CFAP52: variants seen among roughly 807,000 people sequenced by gnomAD.
CFAP52 encodes cilia and flagella associated protein 52.
CFAP52 carries 57 observed loss-of-function variants against 70.5 expected under a neutral mutation model. The observed-to-expected ratio is 0.81, with a 90% CI of 0.65 to 1.01. The LOEUF (loss-of-function observed/expected upper bound fraction) is 1.01, where lower values mean the gene tolerates loss of function less well. CFAP52 is among the 50% of genes least tolerant of loss of function. CFAP52 has a pLI of 0.00. For missense variants in CFAP52, 785 were observed against 788.5 expected, an observed-to-expected ratio of 1.00 and a Z score of 0.05; for synonymous variants, 267 against 292.5, an observed-to-expected ratio of 0.91 and a Z score of 0.89.
Position 9,585,929 on chromosome 17 carries a change from G to A in CFAP52, c.227G>A (p.Gly76Glu), listed in dbSNP as rs745738813. The A allele has an allele frequency of 7.4e-6, 12 of 1,613,632 alleles. No homozygotes were observed. Among genetic ancestry groups the A allele is most frequent in the African/African-American group, 1.3e-5 (1 of 74,944 alleles). The change falls in exon 2 of 14, where the codon GGA becomes GAA. Residue 76 changes from glycine to glutamate, a missense_variant. Transcript: ENST00000352665. ...TCCTGCTTGGCCATCTCCAGGTCTG[G>A]AGAGTACATCGCCTCCGGACAAGTC... ...NVSCLAISRSGEYIASGQVTF... is the reference protein window; with the variant it reads ...NVSCLAISRSEEYIASGQVTF...
In CFAP52 at chr17:9,594,322, G is replaced by C; in HGVS notation, c.536+1G>C. The C allele has an allele frequency of 6.2e-7, 1 of 1,610,514 alleles. No homozygotes were observed. The highest frequency in any genetic ancestry group is 8.5e-7 in the Non-Finnish European group (1 of 1,178,580). Reference sequence around the variant, plus strand: ...ATGAGATGTTTATGACTGCTGGAAAGTATGTGTCTGCGTTCGGAGTTTTCA... The same window carrying C: ...ATGAGATGTTTATGACTGCTGGAAACTATGTGTCTGCGTTCGGAGTTTTCA... On this transcript the variant is annotated splice_donor_variant, in intron 4 of 13. Transcript: ENST00000352665. LOFTEE classifies it high-confidence loss of function.
intron 8 of CFAP52, among the ~76,000 whole-genome samples, chr17:9,628,137 C>G (rs1460734568): frequency 6.6e-6 from 1 of 152,090 alleles, no homozygotes; most frequent in African/African-American, 2.4e-5. Flanking sequence ...CAACTTTGTC[C>G]CAACCCTTCC....
At chr17:9,605,411 G>A (rs991586515) in intron 6 of CFAP52, among the ~76,000 whole-genome samples, 4 of 152,038 alleles carry the variant, frequency 2.6e-5, no homozygotes, top group Non-Finnish European at 5.9e-5. Context: ...GCAAAATTAT[G>A]GAGACAATAA....
At chr17:9,594,387 G>A in intron 4 of CFAP52, 66 bp downstream of exon 4, 1 of 1,558,376 alleles carries the variant, frequency 6.4e-7, no homozygotes, top group Non-Finnish European at 8.7e-7. Context: ...CAGAAAACAT[G>A]GTCATTCTGA....
At chr17:9,603,940 G>C (rs1296411493) in intron 6 of CFAP52, among the ~76,000 whole-genome samples, 2 of 152,056 alleles carry the variant, frequency 1.3e-5, no homozygotes, top group Non-Finnish European at 2.9e-5. Flanking sequence ...GACAGTGTAG[G>C]GTTGGTGAAA....
At position 9,643,221 on chromosome 17, in the gene CFAP52, CTTGGCG is replaced by C. The variant is rs768008484; in HGVS notation, c.*27_*32del. ...TGAAGCTGATGAGATGTCTCTGAGC[CTTGGCG>C]TTGCACGCAGTCCTGTTGAAGACTG... is the stretch of plus-strand genomic sequence containing the variant. On this transcript the variant is annotated 3_prime_UTR_variant, in exon 14 of 14. Coordinates refer to ENST00000352665, the MANE Select transcript of CFAP52 (RefSeq NM_145054.5). 1 of 1,573,732 alleles carries C rather than the reference CTTGGCG, an allele frequency of 6.4e-7. No homozygotes were observed. Among genetic ancestry groups the C allele is most frequent in the South Asian group, 1.2e-5 (1 of 82,804 alleles).
chr17:9,585,877 T>C lies in CFAP52; in HGVS notation c.175T>C (p.Phe59Leu). The change falls in exon 2 of 14, where the codon TTC (phenylalanine) becomes CTC (leucine). Residue 59 changes from phenylalanine to leucine, a missense_variant. Physicochemically the swap from Phe to Leu is conservative, Grantham distance 22 (BLOSUM62 0). Coordinates refer to ENST00000352665, the MANE Select transcript of CFAP52 (RefSeq NM_145054.5). Reference protein sequence around the residue: ...IQAINTKEQNFLQGHGNNVSC... With the variant: ...IQAINTKEQNLLQGHGNNVSC... ...GGCAATAAATACTAAAGAGCAGAAC[T>C]TCCTACAGGGTCATGGCAACAACGT... 1 of 1,613,952 alleles carries C rather than the reference T, an allele frequency of 6.2e-7. No homozygotes were observed. Among genetic ancestry groups the C allele is most frequent in the Admixed American group, 1.7e-5 (1 of 59,978 alleles).
rs529297532 is a variant in CFAP52, at chr17:9,585,876, C to A, written c.174C>A (p.Asn58Lys). The A allele has an allele frequency of 1.2e-6, 2 of 1,614,038 alleles. No homozygotes were observed. Among genetic ancestry groups the A allele is most frequent in the African/African-American group, 2.7e-5 (2 of 74,994 alleles). Reference protein sequence around the residue: ...LIQAINTKEQNFLQGHGNNVS... With the variant: ...LIQAINTKEQKFLQGHGNNVS... ...AGGCAATAAATACTAAAGAGCAGAA[C>A]TTCCTACAGGGTCATGGCAACAACG... Residue 58 changes from asparagine to lysine, a missense_variant, in exon 2 of 14, where the codon AAC becomes AAA. Transcript: ENST00000352665.
chr17:9,599,586 C>T (rs1298646828), intron 5 of CFAP52, among the ~76,000 whole-genome samples: 2 of 152,132 alleles, frequency 1.3e-5, no homozygotes, highest in Non-Finnish European at 2.9e-5. Flanking sequence ...CCCTGCTCCC[C>T]TCAGAGCTGT....
chr17:9,640,605 G>A (rs569747486), intron 12 of CFAP52, among the ~76,000 whole-genome samples: 22 of 152,080 alleles, frequency 1.4e-4, no homozygotes, highest in South Asian at 4.2e-4. Flanking sequence ...ATAGTATTCC[G>A]TGGTATATAT....
intron 7 of CFAP52, 47 bp downstream of exon 7, chr17:9,608,266 A>T: frequency 1.4e-6 from 2 of 1,409,978 alleles, no homozygotes; most frequent in Non-Finnish European, 1.9e-6. Flanking sequence ...GACCCACTAA[A>T]CGGAGATTTG....
chr17:9,589,801 C>CCTTTTTT lies in CFAP52; in HGVS notation c.407+2967_407+2968insCTTTTTT, dbSNP rs373515583. On this transcript the variant is annotated intron_variant, in intron 3 of 13. Coordinates refer to ENST00000352665, the MANE Select transcript of CFAP52 (RefSeq NM_145054.5). ...TCCCCTGTTAACATTCTTAGCTCAACTTTTTTTTTTTTTTGCAAGCAGAAA... is the reference window on the plus strand; with the variant it reads ...TCCCCTGTTAACATTCTTAGCTCAACCTTTTTTTTTTTTTTTTTTTTGCAAGCAGAAA... The CCTTTTTT allele has an allele frequency of 5.4e-5, 5 of 93,186 alleles. No homozygotes were observed. The East Asian group carries it at 1.5e-3, about 27-fold the overall frequency. The allele number at this position is 93,186 out of a possible 1,614,324, so 5.8% of individuals were successfully genotyped here.
chr17:9,614,990 C>G (rs1257685687), intron 8 of CFAP52, among the ~76,000 whole-genome samples: 1 of 152,122 alleles, frequency 6.6e-6, no homozygotes, highest in Non-Finnish European at 1.5e-5. Flanking sequence ...TATTAAATTC[C>G]TAATAAGAAA....
chr17:9,631,020 AAGAAAGAAAGAGAG>A (rs1206098062), intron 9 of CFAP52, among the ~76,000 whole-genome samples: 1 of 39,360 alleles, frequency 2.5e-5, no homozygotes. Flanking sequence ...GAAAGAAAGA[AAGAAAGAAAGAGAG>A]AGAGAGAGAG....
chr17:9,622,815 C>A (rs891079442), intron 8 of CFAP52, among the ~76,000 whole-genome samples: 4 of 152,088 alleles, frequency 2.6e-5, no homozygotes, highest in African/African-American at 9.7e-5. Context: ...TTTTTATCAT[C>A]CCCCAAACAC....
intron 4 of CFAP52, among the ~76,000 whole-genome samples, chr17:9,595,972 CAAAAGA>C (rs1354799215): frequency 2.9e-5 from 4 of 139,644 alleles, no homozygotes; most frequent in African/African-American, 1.1e-4. Context: ...GCTAAAAAAA[CAAAAGA>C]AAAACTATAT....
chr17:9,594,260 G>A lies in CFAP52; in HGVS notation c.475G>A (p.Gly159Ser), dbSNP rs745505604. ...CAGCCCTGCAGCCGGCCTCAATGTTGGCAATGCCACCAATGTGATCTTCTC... is the reference window on the plus strand; with the variant it reads ...CAGCCCTGCAGCCGGCCTCAATGTTAGCAATGCCACCAATGTGATCTTCTC... The part of the protein sequence containing the change: ...CGSPAAGLNV[G>S]NATNVIFSRC... The change falls in exon 4 of 14, where the codon GGC becomes AGC. Residue 159 changes from glycine to serine, a missense_variant. Transcript: ENST00000352665. 22 of 1,613,690 alleles carry A rather than the reference G, an allele frequency of 1.4e-5. No homozygotes were observed. Among genetic ancestry groups the A allele is most frequent in the Non-Finnish European group, 1.7e-5 (20 of 1,179,900 alleles).
intron 6 of CFAP52, among the ~76,000 whole-genome samples, chr17:9,605,669 C>T (rs1271532440): frequency 8.0e-6 from 1 of 125,360 alleles, no homozygotes; most frequent in Non-Finnish European, 1.6e-5. Context: ...GCACTTCAGC[C>T]TGGCGACAGA....
chr17:9,610,585 A>C (rs1012032783), intron 7 of CFAP52, among the ~76,000 whole-genome samples: 1 of 151,084 alleles, frequency 6.6e-6, no homozygotes, highest in African/African-American at 2.4e-5. Flanking sequence ...CCCAGGCTGG[A>C]GTGCAATGAC....
Sources: gnomAD v4.1 joint callset for allele counts (sites outside exome capture counted in the v4.1 genomes callset) on GRCh38, gnomAD v4.1.1 for gene constraint, MANE v1.5 for transcripts, NCBI Gene and HGNC (gene_info 2026-07-23, HGNC 2026-07-21) for gene names.